The following PRPF31 variants were observed in gnomAD, a reference collection of about 807,000 sequenced individuals.
PRPF31 encodes U4/U6 small nuclear ribonucleoprotein Prp31.
A neutral mutation model predicts 60.4 loss-of-function variants in PRPF31; 12 were observed. That is an observed-to-expected ratio of 0.20 (90% CI 0.13 to 0.32). The LOEUF (loss-of-function observed/expected upper bound fraction) is 0.32. PRPF31 is among the 10% of genes least tolerant of loss of function. PRPF31 has a pLI of 1.00. For missense variants in PRPF31, 431 were observed against 687.1 expected, an observed-to-expected ratio of 0.63 and a Z score of 4.17; for synonymous variants, 287 against 287.9, an observed-to-expected ratio of 1.00 and a Z score of 0.03.
intron 9 of PRPF31, 131 bp from the exon 10 acceptor site, chr19:54,127,942 G>C: frequency 1.6e-6 from 2 of 1,268,086 alleles, no homozygotes; most frequent in Non-Finnish European, 2.2e-6. Flanking sequence ...AAAAAGAAAG[G>C]GGGTGGCGGT....
chr19:54,129,421 C>T, intron 13 of PRPF31, 51 bp downstream of exon 13: 3 of 1,533,452 alleles, frequency 2.0e-6, no homozygotes, highest in East Asian at 2.4e-5. Context: ...TTGGCAAGGC[C>T]CCTTGCCCTC....
At chr19:54,121,040 C>T (rs2073773130) in intron 3 of PRPF31, among the ~76,000 whole-genome samples, 1 of 152,104 alleles carries the variant, frequency 6.6e-6, no homozygotes. Flanking sequence ...GCCTGTCATC[C>T]CAGCACTTTG....
Position 54,118,554 on chromosome 19 carries a change from G to C in PRPF31, c.178-19G>C, listed in dbSNP as rs200561167. ...TTTTGAAGAGTGCTGGATTCTGACT[G>C]TCTTCTCCTTTCCTACAGTTTGCTG... On this transcript the variant is annotated intron_variant, in intron 2 of 13. Transcript: ENST00000321030. The C allele has an allele frequency of 5.9e-5, 96 of 1,613,934 alleles. No homozygotes were observed. The highest frequency in any genetic ancestry group is 3.3e-4 in the Middle Eastern group (2 of 6,084).
At chr19:54,124,474 C>G (rs373020534) in intron 7 of PRPF31, 25 bp from the exon 8 acceptor site, 47 of 1,581,670 alleles carry the variant, frequency 3.0e-5, no homozygotes, top group African/African-American at 1.7e-4. Context: ...GACCGCCCCC[C>G]CTTCCTCCCT....
chr19:54,126,957 C>G (rs973632065), intron 9 of PRPF31, among the ~76,000 whole-genome samples: 1 of 152,134 alleles, frequency 6.6e-6, no homozygotes, highest in Admixed American at 6.5e-5. Context: ...GGTGAAACCC[C>G]ATCTCTACCA....
intron 8 of PRPF31, among the ~76,000 whole-genome samples, chr19:54,125,513 AG>A (rs2073899467): frequency 1.4e-5 from 2 of 142,190 alleles, no homozygotes; most frequent in Admixed American, 7.7e-5. Flanking sequence ...AAAAAAAACA[AG>A]CAAGACAGGT....
At chr19:54,122,446 C>A in intron 4 of PRPF31, 51 bp from the exon 5 acceptor site, 1 of 1,388,468 alleles carries the variant, frequency 7.2e-7, no homozygotes, top group South Asian at 1.2e-5. Flanking sequence ...GGCCAACCAG[C>A]AGAGTCTACC....
At position 54,123,803 on chromosome 19, in the gene PRPF31, G is replaced by C. The variant is rs757374570; in HGVS notation, c.582G>C (p.Ala194=). The C allele has an allele frequency of 2.5e-6, 4 of 1,612,842 alleles. No individual in the cohort carries two copies. Residue 194 remains alanine (A), a synonymous_variant, in exon 7 of 14, where the codon GCG becomes GCC. Coordinates refer to ENST00000321030, the MANE Select transcript of PRPF31 (RefSeq NM_015629.4). ...GGCTGGAGGAGGCCTGCGACATGGC[G>C]CTGGAGCTGAACGCCTCCAAGCACC... ...LERLEEACDM[A]LELNASKHRI...
chr19:54,122,028 C>A, intron 4 of PRPF31, 85 bp downstream of exon 4: 1 of 1,393,008 alleles, frequency 7.2e-7, no homozygotes, highest in Non-Finnish European at 9.9e-7. Flanking sequence ...TTCCCAGGGT[C>A]CTGCCCCTAA....
intron 7 of PRPF31, chr19:54,124,124 CCT>C (rs1457300089): frequency 8.9e-7 from 1 of 1,118,812 alleles, no homozygotes; most frequent in Non-Finnish European, 1.2e-6. Flanking sequence ...TTCTCCCTCC[CCT>C]GTGCCGGAAA....
chr19:54,121,017 C>A (rs1294676882), intron 3 of PRPF31, among the ~76,000 whole-genome samples: 1 of 152,108 alleles, frequency 6.6e-6, no homozygotes, highest in Non-Finnish European at 1.5e-5. Flanking sequence ...AGGGGTCTGG[C>A]GCGGTGGCTC....
chr19:54,129,224 C>T (rs1352195497), intron 12 of PRPF31, 39 bp downstream of exon 12: 1 of 1,600,790 alleles, frequency 6.2e-7, no homozygotes, highest in Non-Finnish European at 8.5e-7. Flanking sequence ...GACCGAGGGA[C>T]ACAAGGTGGG....
Position 54,131,294 on chromosome 19 carries a change from C to T in PRPF31, c.1375-13C>T. Reference sequence around the variant, plus strand: ...TCACCTAACCCATCATCCTCTCTCCCTCACCTGCCCAGGGCCTGGAGATTG... The same window carrying T: ...TCACCTAACCCATCATCCTCTCTCCTTCACCTGCCCAGGGCCTGGAGATTG... On this transcript the variant is annotated splice_polypyrimidine_tract_variant and intron_variant, in intron 13 of 13. Transcript: ENST00000321030. 1 of 1,613,798 alleles carries T rather than the reference C, an allele frequency of 6.2e-7. No homozygotes were observed. Among genetic ancestry groups the T allele is most frequent in the South Asian group, 1.1e-5 (1 of 91,072 alleles).
Position 54,124,221 on chromosome 19 carries a change from C to G in PRPF31, c.698-278C>G, listed in dbSNP as rs998218672. The G allele has an allele frequency of 2.0e-5, 13 of 647,886 alleles. No individual in the cohort carries two copies. The African/African-American group carries it at 2.4e-4, about 12-fold the overall frequency. 40.1% of individuals were successfully genotyped at this position (647,886 alleles called of 1,614,324 possible). On this transcript the variant is annotated intron_variant, in intron 7 of 13. Coordinates refer to ENST00000321030, the MANE Select transcript of PRPF31 (RefSeq NM_015629.4). ...TTCCAAAACACAGCCATCCCTGGAA[C>G]GGCGTTAGTGTGGCTTAGCACAAAC...
intron 13 of PRPF31, among the ~76,000 whole-genome samples, 191 bp downstream of exon 13, chr19:54,129,561 G>A (rs1227910750): frequency 2.7e-5 from 4 of 148,144 alleles, no homozygotes; most frequent in Non-Finnish European, 4.5e-5. Flanking sequence ...AGAGCCCAGC[G>A]CTGAGCAGTC....
At chr19:54,117,139 A>G (rs1426377065) in intron 1 of PRPF31, among the ~76,000 whole-genome samples, 1 of 152,086 alleles carries the variant, frequency 6.6e-6, no homozygotes, top group Admixed American at 6.6e-5. Context: ...GGAAAGGGCC[A>G]CTTTAGTTAC....
intron 5 of PRPF31, 190 bp downstream of exon 5, chr19:54,122,784 C>T: frequency 1.5e-6 from 1 of 666,926 alleles, no homozygotes; most frequent in East Asian, 2.7e-5. Flanking sequence ...CCCCTCCAAC[C>T]CCAGTCTCCC....
At position 54,131,544 on chromosome 19, in the gene PRPF31, AT is replaced by A; in HGVS notation, c.*114del. The A allele has an allele frequency of 6.7e-7, 1 of 1,497,990 alleles. No homozygotes were observed. The highest frequency in any genetic ancestry group is 2.4e-5 in the East Asian group (1 of 41,026). The allele number at this position is 1,497,990 out of a possible 1,614,324, so 92.8% of individuals were successfully genotyped here. On this transcript the variant is annotated 3_prime_UTR_variant, in exon 14 of 14. Coordinates refer to ENST00000321030, the MANE Select transcript of PRPF31 (RefSeq NM_015629.4). Reference sequence around the variant, plus strand: ...GAGAACCTGCCCTGCCACTGGCCCCATTGCTGGGACTGCCCAGGGAGGAGGC... The same window carrying A: ...GAGAACCTGCCCTGCCACTGGCCCCATGCTGGGACTGCCCAGGGAGGAGGC...
chr19:54,122,434 AG>A, intron 4 of PRPF31, 62 bp from the exon 5 acceptor site: 5 of 1,265,924 alleles, frequency 3.9e-6, no homozygotes, highest in Non-Finnish European at 5.8e-6. Context: ...CATGGGTGTT[AG>A]GGCCAACCAG....
Sources: gnomAD v4.1 joint callset for allele counts (sites outside exome capture counted in the v4.1 genomes callset) on GRCh38, gnomAD v4.1.1 for gene constraint, MANE v1.5 for transcripts, NCBI Gene and HGNC (gene_info 2026-07-23, HGNC 2026-07-21) for gene names.